Variants in TYW1B observed in about 807,000 individuals in gnomAD.
TYW1B encodes tRNA-yW synthesizing protein 1 homolog B.
TYW1B carries 73 observed loss-of-function variants against 86.9 expected under a neutral mutation model. That is an observed-to-expected ratio of 0.84 (90% CI 0.70 to 1.02). The LOEUF is 1.02. TYW1B is among the 50% of genes least tolerant of loss of function. The pLI is 0.00. For missense variants in TYW1B, 637 were observed against 827.4 expected (o/e 0.77, Z 2.82); for synonymous variants, 248 against 292.8 (o/e 0.85, Z 1.56).
intron 11 of TYW1B, among the ~76,000 whole-genome samples, chr7:72,666,296 C>T (rs111783800): frequency 6.6e-5 from 10 of 151,924 alleles, no homozygotes; most frequent in South Asian, 2.1e-4. Flanking sequence ...CATGGTGGCA[C>T]GCACCTGTAG....
intron 6 of TYW1B, among the ~76,000 whole-genome samples, chr7:72,795,518 C>G (rs1258873558): frequency 6.6e-6 from 1 of 152,090 alleles, no homozygotes; most frequent in Non-Finnish European, 1.5e-5. Flanking sequence ...CGCGAAACTA[C>G]AGAGATGATG....
Position 72,575,244 on chromosome 7 carries a change from C to T in TYW1B, c.*254G>A, listed in dbSNP as rs571061594. The T allele has an allele frequency of 7.5e-7, 1 of 1,328,536 alleles. No homozygotes were observed. The highest frequency in any genetic ancestry group is 1.5e-5 in the African/African-American group (1 of 68,018). The allele number at this position is 1,328,536 out of a possible 1,614,324, so 82.3% of individuals were successfully genotyped here. A position where few individuals can be genotyped will look rare whatever the true frequency, so the allele number is the denominator to read the frequency against. ...AAATTCTAATCACGACTGTGTAGTT[C>T]CTCCCCAAAATAATTTTCCTCTTAG... On this transcript the variant is annotated 3_prime_UTR_variant, in exon 14 of 14. Coordinates refer to ENST00000620995, the MANE Select transcript of TYW1B (RefSeq NM_001145440.3).
intron 8 of TYW1B, among the ~76,000 whole-genome samples, chr7:72,732,614 A>G (rs1787132663): frequency 6.6e-6 from 1 of 152,200 alleles, no homozygotes. Flanking sequence ...GAGCAAAAGC[A>G]GTACTAACAG....
At position 72,575,695 on chromosome 7, in the gene TYW1B, T is replaced by C; in HGVS notation, c.1810A>G (p.Thr604Ala). 6.2e-7 allele frequency: 1 copy of C among 1,607,608 alleles called. No homozygotes were observed. The highest frequency in any genetic ancestry group is 8.5e-7 in the Non-Finnish European group (1 of 1,176,538). The change falls in exon 14 of 14, where the codon ACA becomes GCA. Residue 604 changes from threonine (T) to alanine (A), a missense_variant. Coordinates refer to ENST00000620995, the MANE Select transcript of TYW1B (RefSeq NM_001145440.3). ...TGGAAGCGGTTATAATCGATCCATG[T>C]CCACCATTCACCACCAATTTTAAAC... is the stretch of plus-strand genomic sequence containing the variant. ...RKFKIGGEWW[T>A]WIDYNRFQEL...
chr7:72,611,960 T>G (rs3015915), intron 13 of TYW1B, among the ~76,000 whole-genome samples: 26,085 of 151,952 alleles, frequency 0.17, 2,776 homozygotes, highest in East Asian at 0.55. Context: ...CTTCACTTCA[T>G]GTTCCCTTCT....
At chr7:72,804,294 A>G (rs1334139319) in intron 5 of TYW1B, among the ~76,000 whole-genome samples, 2 of 151,840 alleles carry the variant, frequency 1.3e-5, no homozygotes, top group African/African-American at 2.4e-5. Flanking sequence ...CAAAAAAAAA[A>G]AAAAAGAAAA....
At chr7:72,809,073 C>CA (rs1445438604) in intron 4 of TYW1B, among the ~76,000 whole-genome samples, 1 of 145,616 alleles carries the variant, frequency 6.9e-6, no homozygotes. Context: ...GATGGAGTCT[C>CA]ACTCTGTCGC....
intron 10 of TYW1B, among the ~76,000 whole-genome samples, chr7:72,706,598 T>C (rs1173134341): frequency 6.6e-6 from 1 of 152,220 alleles, no homozygotes; most frequent in East Asian, 1.9e-4. Context: ...TCTACCTTTA[T>C]TTCACTTTTT....
At chr7:72,771,354 T>C (rs1192228265) in intron 7 of TYW1B, among the ~76,000 whole-genome samples, 1 of 152,172 alleles carries the variant, frequency 6.6e-6, no homozygotes, top group African/African-American at 2.4e-5. Flanking sequence ...TGACTAGAAA[T>C]GGGCACAATA....
At chr7:72,589,914 T>C (rs1811357015) in intron 13 of TYW1B, among the ~76,000 whole-genome samples, 1 of 152,220 alleles carries the variant, frequency 6.6e-6, no homozygotes, top group Non-Finnish European at 1.5e-5. Context: ...AGTATCAACT[T>C]GTTTAAAAGG....
chr7:72,796,906 C>T (rs7794713), intron 6 of TYW1B, among the ~76,000 whole-genome samples: 100,469 of 147,132 alleles, frequency 0.68, 35,283 homozygotes, highest in Non-Finnish European at 0.77. Flanking sequence ...CTGGGTCAAG[C>T]GATTCTCCCG....
At chr7:72,703,169 C>T (rs1350573375) in intron 10 of TYW1B, among the ~76,000 whole-genome samples, 24 of 151,318 alleles carry the variant, frequency 1.6e-4, no homozygotes, top group Admixed American at 7.9e-4. Flanking sequence ...GGACTACAGG[C>T]GCCCACCACT....
chr7:72,766,063 TG>T (rs1437708276), intron 7 of TYW1B, among the ~76,000 whole-genome samples: 1 of 152,220 alleles, frequency 6.6e-6, no homozygotes, highest in East Asian at 1.9e-4. Context: ...GAAATACTTT[TG>T]TATCGATTCA....
chr7:72,723,108 T>C, intron 9 of TYW1B: 2 of 889,982 alleles, frequency 2.2e-6, no homozygotes, highest in Non-Finnish European at 3.2e-6. Context: ...GGAGTTCCTC[T>C]TGCCCCCTAC....
chr7:72,672,023 G>T (rs6980381), intron 11 of TYW1B, among the ~76,000 whole-genome samples: 1 of 149,534 alleles, frequency 6.7e-6, no homozygotes, highest in East Asian at 2.0e-4. Context: ...CCCACGTTGT[G>T]GGGGGACCTG....
chr7:72,585,734 C>A (rs1563019337), intron 13 of TYW1B, among the ~76,000 whole-genome samples: 1 of 152,164 alleles, frequency 6.6e-6, no homozygotes, highest in Non-Finnish European at 1.5e-5. Flanking sequence ...TGCCTTTCAC[C>A]TTCTGCCATG....
At chr7:72,803,555 G>A (rs1356214104) in intron 5 of TYW1B, among the ~76,000 whole-genome samples, 1 of 152,138 alleles carries the variant, frequency 6.6e-6, no homozygotes, top group African/African-American at 2.4e-5. Flanking sequence ...CTAATACGTG[G>A]CAGCCTTCAT....
At chr7:72,741,443 GT>G (rs561081952) in intron 8 of TYW1B, among the ~76,000 whole-genome samples, 15 of 152,278 alleles carry the variant, frequency 9.9e-5, no homozygotes, top group Admixed American at 2.0e-4. Context: ...AAAAAAAAGT[GT>G]GAAGAAAATT....
At chr7:72,694,499 C>A (rs1262431652) in intron 11 of TYW1B, among the ~76,000 whole-genome samples, 188 bp downstream of exon 11, 1 of 152,138 alleles carries the variant, frequency 6.6e-6, no homozygotes, top group Non-Finnish European at 1.5e-5. Context: ...AATTATTTAA[C>A]AAATAGTAAA....
Sources: gnomAD v4.1 joint callset for allele counts (sites outside exome capture counted in the v4.1 genomes callset) on GRCh38, gnomAD v4.1.1 for gene constraint, MANE v1.5 for transcripts, NCBI Gene and HGNC (gene_info 2026-07-23, HGNC 2026-07-21) for gene names.